The following LCLAT1 variants were observed in gnomAD, a reference collection of about 807,000 sequenced individuals.
LCLAT1 encodes the protein 1-AGP acyltransferase 8.
In LCLAT1, 11 loss-of-function variants were observed where a neutral mutation model predicts 30.7. That is an observed-to-expected ratio of 0.36 (90% CI 0.23 to 0.59). The LOEUF is 0.59. Among genes scored for constraint, LCLAT1 ranks in the 20% least tolerant of loss-of-function variants. The probability of loss-of-function intolerance (pLI) is 0.77; values close to 1 mark genes in which losing one functional copy is unlikely to be tolerated. For synonymous variants in LCLAT1, 155 were observed against 151.3 expected, an observed-to-expected ratio of 1.02 and a Z score of -0.18; for missense variants, 402 against 458.6, an observed-to-expected ratio of 0.88 and a Z score of 1.13.
intron 3 of LCLAT1, among the ~76,000 whole-genome samples, chr2:30,540,558 C>T (rs1664083945): frequency 6.6e-6 from 1 of 152,106 alleles, no homozygotes; most frequent in African/African-American, 2.4e-5. Flanking sequence ...TATGCTGTTT[C>T]ATTACACTCT....
At chr2:30,450,281 G>A (rs1723170) in intron 1 of LCLAT1, among the ~76,000 whole-genome samples, 33,846 of 152,158 alleles carry the variant, frequency 0.22, 3,855 homozygotes, top group East Asian at 0.35. Context: ...GGATAAAGGC[G>A]TAGGGAGAAA....
intron 5 of LCLAT1, among the ~76,000 whole-genome samples, chr2:30,627,034 G>A (rs547249551): frequency 6.6e-6 from 1 of 152,182 alleles, no homozygotes; most frequent in African/African-American, 2.4e-5. Flanking sequence ...AATGCTCATG[G>A]TTACTGATAC....
chr2:30,629,987 G>A (rs953803226), intron 5 of LCLAT1, among the ~76,000 whole-genome samples: 4 of 151,868 alleles, frequency 2.6e-5, no homozygotes, highest in African/African-American at 9.7e-5. Flanking sequence ...TGCTAGAGAG[G>A]CCATAACAAG....
intron 5 of LCLAT1, among the ~76,000 whole-genome samples, chr2:30,635,659 C>T (rs1668987499): frequency 6.6e-6 from 1 of 151,848 alleles, no homozygotes; most frequent in Admixed American, 6.6e-5. Context: ...CTTTCAGAAC[C>T]AAGACTTCAT....
intron 1 of LCLAT1, among the ~76,000 whole-genome samples, chr2:30,491,108 A>G (rs1683815443): frequency 6.6e-6 from 1 of 152,252 alleles, no homozygotes; most frequent in Admixed American, 6.5e-5. Context: ...CTATTGTAGA[A>G]AGTCCTAAAT....
chr2:30,553,676 G>A (rs1323986892), intron 3 of LCLAT1, among the ~76,000 whole-genome samples: 9 of 151,938 alleles, frequency 5.9e-5, no homozygotes, highest in Admixed American at 4.6e-4. Context: ...TTAGCCGGGC[G>A]CGGTGGTGGG....
chr2:30,608,300 C>CAAAAAAAAAAAA (rs534141767), intron 5 of LCLAT1, among the ~76,000 whole-genome samples: 1 of 108,414 alleles, frequency 9.2e-6, no homozygotes. Flanking sequence ...GACTCCATCT[C>CAAAAAAAAAAAA]AAAAAAAAAA....
chr2:30,489,947 T>C (rs1683759642), intron 1 of LCLAT1, among the ~76,000 whole-genome samples: 2 of 152,362 alleles, frequency 1.3e-5, no homozygotes, highest in South Asian at 4.1e-4. Flanking sequence ...ATCAGCTTCC[T>C]TTTAATAACT....
intron 5 of LCLAT1, among the ~76,000 whole-genome samples, chr2:30,585,459 G>T (rs1036200262): frequency 8.6e-5 from 13 of 152,040 alleles, no homozygotes; most frequent in African/African-American, 2.9e-4. Flanking sequence ...ACATTCTTAG[G>T]TAAGTTCACC....
At chr2:30,568,199 A>T in intron 5 of LCLAT1, 23 bp downstream of exon 5, 1 of 1,383,910 alleles carries the variant, frequency 7.2e-7, no homozygotes. Flanking sequence ...TTCAAAATGT[A>T]CTTTTTAATA....
At chr2:30,559,159 G>A (rs1665078604) in intron 3 of LCLAT1, among the ~76,000 whole-genome samples, 1 of 152,126 alleles carries the variant, frequency 6.6e-6, no homozygotes, top group African/African-American at 2.4e-5. Context: ...GTTAGAAGTT[G>A]GAGTATTGGT....
intron 5 of LCLAT1, among the ~76,000 whole-genome samples, chr2:30,633,087 A>T (rs1668846205): frequency 6.6e-6 from 1 of 152,226 alleles, no homozygotes; most frequent in Non-Finnish European, 1.5e-5. Flanking sequence ...GACTAGTGCC[A>T]ATCTGTCATG....
intron 5 of LCLAT1, among the ~76,000 whole-genome samples, chr2:30,574,512 C>A (rs940166170): frequency 2.0e-5 from 3 of 152,152 alleles, no homozygotes; most frequent in Non-Finnish European, 4.4e-5. Flanking sequence ...TAGAACTACT[C>A]CACATAGCCT....
chr2:30,449,588 C>A (rs1341936334), intron 1 of LCLAT1, among the ~76,000 whole-genome samples: 1 of 151,760 alleles, frequency 6.6e-6, no homozygotes, highest in Admixed American at 6.6e-5. Flanking sequence ...ACAGCCTCTG[C>A]CTCCCGGGTT....
At chr2:30,601,247 T>C (rs1015629007) in intron 5 of LCLAT1, among the ~76,000 whole-genome samples, 3 of 152,160 alleles carry the variant, frequency 2.0e-5, no homozygotes, top group African/African-American at 7.2e-5. Flanking sequence ...TTTAACTCAG[T>C]GAAGTTCATT....
chr2:30,615,691 C>T (rs72798177), intron 5 of LCLAT1, among the ~76,000 whole-genome samples: 1,850 of 152,078 alleles, frequency 0.012, 17 homozygotes, highest in Non-Finnish European at 0.018. Flanking sequence ...CTCCATAAGA[C>T]TTATGTAAAT....
In LCLAT1 at chr2:30,562,196, G is replaced by T; in HGVS notation, c.415G>T (p.Asp139Tyr). 6.2e-7 allele frequency: 1 copy of T among 1,613,172 alleles called. No individual in the cohort carries two copies. The highest frequency in any genetic ancestry group is 8.5e-7 in the Non-Finnish European group (1 of 1,179,298). Residue 139 changes from aspartate (D) to tyrosine (Y), a missense_variant, in exon 4 of 6, where the codon GAT becomes TAT. Physicochemically the swap from Asp to Tyr is radical, Grantham distance 160 (BLOSUM62 -3). Coordinates refer to ENST00000379509, the MANE Select transcript of LCLAT1 (RefSeq NM_001002257.3). ...TATCTTCATTCATAGGAAATGGAAG[G>T]ATGACAAGAGCCATTTCGAAGACAT... ...AYIFIHRKWK[D>Y]DKSHFEDMID...
In LCLAT1 at chr2:30,523,794, G is replaced by C. The variant is rs151242206; in HGVS notation, c.-4-1793G>C. ...GAGGCAGGAGAATCGCTTGAACCCGGGAGGCAGAGCTTGCAGTGAGCCCAG... is the reference window on the plus strand; with the variant it reads ...GAGGCAGGAGAATCGCTTGAACCCGCGAGGCAGAGCTTGCAGTGAGCCCAG... On this transcript the variant is annotated intron_variant, in intron 1 of 5. Coordinates refer to ENST00000379509, the MANE Select transcript of LCLAT1 (RefSeq NM_001002257.3). 6.9e-3 allele frequency among the ~76,000 whole-genome samples: 1,054 copies of C among 152,306 alleles called. 11 individuals carry two copies. The highest frequency in any genetic ancestry group is 0.024 in the African/African-American group (1,015 of 41,560).
chr2:30,602,268 T>C, intron 5 of LCLAT1, among the ~76,000 whole-genome samples: 1 of 152,020 alleles, frequency 6.6e-6, no homozygotes, highest in East Asian at 1.9e-4. Flanking sequence ...CCAGACATTT[T>C]CTGCACTGTG....
Sources: allele counts gnomAD v4.1 joint callset (sites outside exome capture counted in the v4.1 genomes callset), GRCh38; gene constraint gnomAD v4.1.1; transcripts MANE v1.5; gene names NCBI Gene and HGNC (gene_info 2026-07-23, HGNC 2026-07-21).